The following FOXK2 variants were observed in gnomAD, a reference collection of about 807,000 sequenced individuals.
The protein encoded by FOXK2 is forkhead box K2.
FOXK2 carries 24 observed loss-of-function variants against 53.3 expected under a neutral mutation model. The ratio of observed to expected loss-of-function variants is 0.45; its 90% CI spans 0.33 to 0.63. FOXK2 has a LOEUF of 0.63. Among genes scored for constraint, FOXK2 ranks in the 30% least tolerant of loss-of-function variants. The pLI, the probability that FOXK2 is intolerant of heterozygous loss-of-function variation, is 0.03. For synonymous variants in FOXK2, 505 were observed against 407.1 expected (o/e 1.24, Z -2.89); for missense variants, 952 against 910.5 (o/e 1.05, Z -0.59).
intron 1 of FOXK2, among the ~76,000 whole-genome samples, chr17:82,528,318 A>G (rs2044438581): frequency 6.6e-6 from 1 of 152,222 alleles, no homozygotes; most frequent in Non-Finnish European, 1.5e-5. Context: ...GTTGAAGAGA[A>G]AGATTTTTTT....
At chr17:82,526,599 G>C (rs1009851265) in intron 1 of FOXK2, among the ~76,000 whole-genome samples, 2 of 152,044 alleles carry the variant, frequency 1.3e-5, no homozygotes, top group African/African-American at 2.4e-5. Context: ...GGGAGGCCGA[G>C]GCAGGTGGAT....
At chr17:82,587,979 CTG>C (rs2045210135) in intron 8 of FOXK2, among the ~76,000 whole-genome samples, 1 of 152,178 alleles carries the variant, frequency 6.6e-6, no homozygotes, top group Non-Finnish European at 1.5e-5. Flanking sequence ...AAAACTGTCT[CTG>C]TGCCCACGAC....
chr17:82,553,773 C>T (rs538840529), intron 1 of FOXK2, among the ~76,000 whole-genome samples: 36 of 152,270 alleles, frequency 2.4e-4, no homozygotes, highest in Admixed American at 1.6e-3. Flanking sequence ...TTGTCCCAGA[C>T]GGACGTTTGT....
chr17:82,535,788 C>A lies in FOXK2; in HGVS notation c.419+15481C>A, dbSNP rs140317010. ...TTGAGATGGAGTTTCACTTTTGTTG[C>A]CCAGGCTGGAGTGCAGTGGCGCGAT... On this transcript the variant is annotated intron_variant, in intron 1 of 8. Transcript: ENST00000335255. Among the ~76,000 whole-genome samples, 555 of 141,178 alleles carry A rather than the reference C, an allele frequency of 3.9e-3. 7 individuals carry two copies. Among genetic ancestry groups the A allele is most frequent in the African/African-American group, 0.013 (508 of 37,662 alleles). The allele number at this position is 141,178 out of a possible 152,430, so 92.6% of individuals were successfully genotyped here.
chr17:82,528,491 C>T (rs1428347255), intron 1 of FOXK2, among the ~76,000 whole-genome samples: 2 of 152,074 alleles, frequency 1.3e-5, no homozygotes, highest in Non-Finnish European at 2.9e-5. Flanking sequence ...TAATGACAGT[C>T]ATAGTAAATC....
Position 82,601,249 on chromosome 17 carries a change from G to C in FOXK2, c.1787-54G>C, listed in dbSNP as rs548133624. 5.2e-6 allele frequency: 8 copies of C among 1,551,258 alleles called. No individual in the cohort carries two copies. In the Admixed American group the frequency reaches 6.9e-5, roughly 13 times the overall value. ...TTCACGTGAGAGCGTGGGGTTCTGAGTCGCGAGGGTTCACGTGAGAGCGTG... is the reference window on the plus strand; with the variant it reads ...TTCACGTGAGAGCGTGGGGTTCTGACTCGCGAGGGTTCACGTGAGAGCGTG... On this transcript the variant is annotated intron_variant, in intron 8 of 8. Transcript: ENST00000335255.
chr17:82,544,456 G>A (rs1199139528), intron 1 of FOXK2, among the ~76,000 whole-genome samples: 1 of 152,158 alleles, frequency 6.6e-6, no homozygotes, highest in Admixed American at 6.6e-5. Context: ...AAAACCGTGG[G>A]CCCAGAGATG....
chr17:82,600,882 A>C, intron 8 of FOXK2: 1 of 164,404 alleles, frequency 6.1e-6, no homozygotes, highest in Non-Finnish European at 1.3e-5. Flanking sequence ...CATGAGGGAG[A>C]GCAGCGAGCG....
chr17:82,555,952 T>C (rs923577628), intron 1 of FOXK2, among the ~76,000 whole-genome samples: 2 of 125,212 alleles, frequency 1.6e-5, no homozygotes, highest in African/African-American at 6.0e-5. Flanking sequence ...GCATAGAAAA[T>C]GGCACAGTGA....
At chr17:82,580,899 C>A (rs1443609653) in intron 4 of FOXK2, among the ~76,000 whole-genome samples, 1 of 150,540 alleles carries the variant, frequency 6.6e-6, no homozygotes, top group East Asian at 2.0e-4. Flanking sequence ...GGGCCCAGAT[C>A]CCTCCCACAC....
rs1019166351 is a variant in FOXK2 at position 82,561,961 on chromosome 17, G to A, written c.420-1393G>A. Reference sequence around the variant, plus strand: ...AGATGTGAGCCGGGCTGAGTCCCGCGCCGGGTGCGCGGATGTGTGCTGGGC... The same window carrying A: ...AGATGTGAGCCGGGCTGAGTCCCGCACCGGGTGCGCGGATGTGTGCTGGGC... On this transcript the variant is annotated intron_variant, in intron 1 of 8. Coordinates refer to ENST00000335255, the MANE Select transcript of FOXK2 (RefSeq NM_004514.4). Among the ~76,000 whole-genome samples, 7 of 152,174 alleles carry A rather than the reference G, an allele frequency of 4.6e-5. No homozygotes were observed. In the East Asian group the frequency reaches 9.7e-4, roughly 21 times the overall value.
At chr17:82,583,921 C>A in intron 5 of FOXK2, 92 bp from the exon 6 acceptor site, 1 of 1,333,942 alleles carries the variant, frequency 7.5e-7, no homozygotes, top group Non-Finnish European at 1.0e-6. Flanking sequence ...AGACAAATGA[C>A]ACCCCCTTTG....
chr17:82,522,484 T>G (rs2044373236), intron 1 of FOXK2, among the ~76,000 whole-genome samples: 1 of 150,930 alleles, frequency 6.6e-6, no homozygotes, highest in Admixed American at 6.6e-5. Flanking sequence ...TTCTCCTGCC[T>G]CAGCCTCCCG....
chr17:82,554,125 C>T (rs1380741859), intron 1 of FOXK2, among the ~76,000 whole-genome samples: 1 of 152,158 alleles, frequency 6.6e-6, no homozygotes, highest in Non-Finnish European at 1.5e-5. Flanking sequence ...AGCCACCGGA[C>T]GTGGCCTCAA....
intron 1 of FOXK2, among the ~76,000 whole-genome samples, chr17:82,520,704 T>C (rs2044352692): frequency 6.6e-6 from 1 of 152,076 alleles, no homozygotes; most frequent in South Asian, 2.1e-4. Flanking sequence ...CGAACTAAAA[T>C]CTATGTCTCT....
intron 1 of FOXK2, among the ~76,000 whole-genome samples, chr17:82,552,422 C>T (rs1316247409): frequency 2.0e-5 from 3 of 152,114 alleles, no homozygotes; most frequent in Non-Finnish European, 2.9e-5. Flanking sequence ...CAACTGTGTC[C>T]TAATGGCCGA....
chr17:82,579,279 G>A (rs865856826), intron 4 of FOXK2, among the ~76,000 whole-genome samples: 5 of 152,106 alleles, frequency 3.3e-5, no homozygotes, highest in African/African-American at 9.7e-5. Context: ...TGTCTTTGTC[G>A]GGGCACCAAT....
intron 6 of FOXK2, 119 bp downstream of exon 6, chr17:82,584,307 T>C (rs1415278151): frequency 1.9e-6 from 2 of 1,038,986 alleles, no homozygotes; most frequent in Admixed American, 3.3e-5. Flanking sequence ...TACCTTATAC[T>C]AGTACCTGAT....
At chr17:82,529,072 G>C (rs2144047368) in intron 1 of FOXK2, among the ~76,000 whole-genome samples, 1 of 152,306 alleles carries the variant, frequency 6.6e-6, no homozygotes, top group Non-Finnish European at 1.5e-5. Flanking sequence ...CTGTTGCGTA[G>C]CAACCTGGCA....
Sources: gnomAD v4.1 joint callset for allele counts (sites outside exome capture counted in the v4.1 genomes callset) on GRCh38, gnomAD v4.1.1 for gene constraint, MANE v1.5 for transcripts, NCBI Gene and HGNC (gene_info 2026-07-23, HGNC 2026-07-21) for gene names.